PTPRC: variants seen among roughly 807,000 people sequenced by gnomAD.
PTPRC encodes the protein protein tyrosine phosphatase receptor type C, also known as receptor-type tyrosine-protein phosphatase C.
In PTPRC, 44 loss-of-function variants were observed where a neutral mutation model predicts 155.9. That is an observed-to-expected ratio of 0.28 (90% CI 0.22 to 0.36). PTPRC has a LOEUF of 0.36. Among genes scored for constraint, PTPRC ranks in the 10% least tolerant of loss-of-function variants. The pLI is 1.00. For missense variants in PTPRC, 1,401 were observed against 1,564.6 expected, an observed-to-expected ratio of 0.90 and a Z score of 1.76; for synonymous variants, 525 against 533.1, an observed-to-expected ratio of 0.98 and a Z score of 0.21.
intron 29 of PTPRC, among the ~76,000 whole-genome samples, chr1:198,751,025 T>C (rs1179690651): frequency 2.0e-5 from 3 of 151,958 alleles, no homozygotes; most frequent in African/African-American, 7.2e-5. Flanking sequence ...ATGTTTTCCA[T>C]CCTCTCCACT....
At chr1:198,681,784 A>C (rs757370391) in intron 2 of PTPRC, among the ~76,000 whole-genome samples, 1 of 152,250 alleles carries the variant, frequency 6.6e-6, no homozygotes, top group African/African-American at 2.4e-5. Context: ...TGCTTCTGAA[A>C]TAAATCACAT....
chr1:198,676,876 G>T (rs1664986160), intron 2 of PTPRC, among the ~76,000 whole-genome samples: 1 of 152,134 alleles, frequency 6.6e-6, no homozygotes, highest in African/African-American at 2.4e-5. Context: ...GATCATAGAA[G>T]ATTTATGTAG....
chr1:198,739,008 G>A (rs1654776625), intron 23 of PTPRC, among the ~76,000 whole-genome samples: 1 of 151,726 alleles, frequency 6.6e-6, no homozygotes, highest in Admixed American at 6.6e-5. Flanking sequence ...CACAATGTCT[G>A]TTGTCTTCAG....
chr1:198,668,145 A>G (rs1402432983), intron 2 of PTPRC, among the ~76,000 whole-genome samples: 1 of 152,220 alleles, frequency 6.6e-6, no homozygotes, highest in Non-Finnish European at 1.5e-5. Flanking sequence ...AGCCAGCCAT[A>G]TGGCTATCTG....
At position 198,646,162 on chromosome 1, in the gene PTPRC, A is replaced by ATT. The variant is rs1224226172; in HGVS notation, c.73+6822_73+6823dup. On this transcript the variant is annotated intron_variant, in intron 2 of 32. Transcript: ENST00000442510. Reference sequence around the variant, plus strand: ...ATTAGACCAATTTAATTCCCTGATGATTATATATATATTACCTAGTGAAAT... The same window carrying ATT: ...ATTAGACCAATTTAATTCCCTGATGATTTTATATATATATTACCTAGTGAAAT... Among the ~76,000 whole-genome samples, 8 of 151,950 alleles carry ATT rather than the reference A, an allele frequency of 5.3e-5. No individual in the cohort carries two copies. The East Asian group carries it at 1.6e-3, about 29-fold the overall frequency.
chr1:198,681,801 A>T (rs1241232014), intron 2 of PTPRC, among the ~76,000 whole-genome samples: 1 of 152,242 alleles, frequency 6.6e-6, no homozygotes, highest in Non-Finnish European at 1.5e-5. Context: ...ACATAATAAA[A>T]CTAACCTTAC....
intron 26 of PTPRC, 126 bp from the exon 27 acceptor site, chr1:198,747,983 C>T: frequency 7.1e-7 from 1 of 1,402,184 alleles, no homozygotes; most frequent in Non-Finnish European, 9.6e-7. Flanking sequence ...AAATTATGGC[C>T]TATAGGGAGC....
chr1:198,735,220 G>A lies in PTPRC; in HGVS notation c.2371G>A (p.Asp791Asn). The change falls in exon 23 of 33, where the codon GAT becomes AAT. Residue 791 changes from aspartate to asparagine, a missense_variant. Physicochemically the swap from Asp to Asn is conservative, Grantham distance 23. This residue lies in a region of PTPRC where 867 missense variants were observed against 970.4 expected (regional missense o/e 0.89). Coordinates refer to ENST00000442510, the MANE Select transcript of PTPRC (RefSeq NM_002838.5). ...VKINQHKRCP[D>N]YIIQKLNIVN... ...GATCAACCAGCACAAAAGATGTCCA[G>A]ATTACATCATTCAGAAATTGAACAT... 2 of 1,602,714 alleles carry A rather than the reference G, an allele frequency of 1.2e-6. No homozygotes were observed. Among genetic ancestry groups the A allele is most frequent in the Non-Finnish European group, 1.7e-6 (2 of 1,173,332 alleles).
chr1:198,668,552 A>G (rs1664453664), intron 2 of PTPRC, among the ~76,000 whole-genome samples: 1 of 152,228 alleles, frequency 6.6e-6, no homozygotes, highest in South Asian at 2.1e-4. Flanking sequence ...ACTATAAGGA[A>G]TTAACAGTAT....
chr1:198,745,888 GA>G (rs1244844730), intron 26 of PTPRC, among the ~76,000 whole-genome samples: 6 of 151,834 alleles, frequency 4.0e-5, no homozygotes, highest in Non-Finnish European at 8.8e-5. Context: ...TAGAATTACA[GA>G]TTGCTAGGTT....
intron 3 of PTPRC, among the ~76,000 whole-genome samples, chr1:198,695,447 A>T (rs1666157144): frequency 6.8e-6 from 1 of 147,102 alleles, no homozygotes. Flanking sequence ...AATTAAATAC[A>T]TCTTTATAAT....
intron 11 of PTPRC, among the ~76,000 whole-genome samples, chr1:198,710,820 A>G (rs1280604396): frequency 6.6e-6 from 1 of 152,184 alleles, no homozygotes; most frequent in Non-Finnish European, 1.5e-5. Flanking sequence ...ATATTGAGAA[A>G]TTTTTGACAA....
chr1:198,757,467 T>C lies in PTPRC; in HGVS notation c.*1286T>C, dbSNP rs1655741932. 1 of 151,726 alleles carries C rather than the reference T, an allele frequency of 6.6e-6. No homozygotes were observed. The highest frequency in any genetic ancestry group is 1.5e-5 in the Non-Finnish European group (1 of 67,786). The allele number at this position is 151,726 out of a possible 1,614,324, so 9.4% of individuals were successfully genotyped here. ...TTTTTCATGAAGTAATAAAAACTCG[T>C]TTTGGTGAATTCTGTAATAGCTTAT... On this transcript the variant is annotated 3_prime_UTR_variant, in exon 33 of 33. Coordinates refer to ENST00000442510, the MANE Select transcript of PTPRC (RefSeq NM_002838.5).
chr1:198,699,192 A>C (rs1044207334), intron 4 of PTPRC, among the ~76,000 whole-genome samples: 2 of 152,180 alleles, frequency 1.3e-5, no homozygotes, highest in African/African-American at 4.8e-5. Context: ...AATTTGTAAG[A>C]GATACTAGTA....
Position 198,686,407 on chromosome 1 carries a change from T to G in PTPRC, c.74-5940T>G, listed in dbSNP as rs920293703. Among the ~76,000 whole-genome samples, 16 of 152,206 alleles carry G rather than the reference T, an allele frequency of 1.1e-4. 1 individual carries two copies. The highest frequency in any genetic ancestry group is 1.5e-5 in the Non-Finnish European group (1 of 68,010). ...TTAAGTTTTAAAAAATGTAGAAAATTTCATCCCTAGAAGATAAAAGTCAAA... is the reference window on the plus strand; with the variant it reads ...TTAAGTTTTAAAAAATGTAGAAAATGTCATCCCTAGAAGATAAAAGTCAAA... On this transcript the variant is annotated intron_variant, in intron 2 of 32. Coordinates refer to ENST00000442510, the MANE Select transcript of PTPRC (RefSeq NM_002838.5).
intron 25 of PTPRC, among the ~76,000 whole-genome samples, 191 bp downstream of exon 25, chr1:198,742,558 C>T (rs2102517005): frequency 6.6e-6 from 1 of 151,894 alleles, no homozygotes; most frequent in East Asian, 2.0e-4. Context: ...CCTAAAAGTA[C>T]TGTGGAAGAA....
intron 2 of PTPRC, among the ~76,000 whole-genome samples, chr1:198,665,907 A>G (rs915451550): frequency 6.6e-6 from 1 of 152,136 alleles, no homozygotes; most frequent in African/African-American, 2.4e-5. Context: ...CGTATTGTTT[A>G]TATTATGTTA....
chr1:198,756,334 A>ATTT lies in PTPRC; in HGVS notation c.*154_*156dup. 9.7e-7 allele frequency: 1 copy of ATTT among 1,028,464 alleles called. No individual in the cohort carries two copies. The highest frequency in any genetic ancestry group is 2.6e-5 in the Admixed American group (1 of 39,166). 63.7% of individuals were successfully genotyped at this position (1,028,464 alleles called of 1,614,324 possible). A position where few individuals can be genotyped will look rare whatever the true frequency, so the allele number is the denominator to read the frequency against. ...TTATATTTTACTACTGTGGAAAAAT[A>ATTT]TTTAAGATAGTTTTGCCAGAACAGT... On this transcript the variant is annotated 3_prime_UTR_variant, in exon 33 of 33. Transcript: ENST00000442510.
At chr1:198,687,744 T>C (rs1275273249) in intron 2 of PTPRC, among the ~76,000 whole-genome samples, 1 of 152,198 alleles carries the variant, frequency 6.6e-6, no homozygotes, top group Non-Finnish European at 1.5e-5. Flanking sequence ...AAAATAGATT[T>C]ATGTAATCTA....
Sources: allele counts gnomAD v4.1 joint callset (sites outside exome capture counted in the v4.1 genomes callset), GRCh38; gene constraint gnomAD v4.1.1; regional missense constraint gnomAD v4.1.1; transcripts MANE v1.5; gene names NCBI Gene and HGNC (gene_info 2026-07-23, HGNC 2026-07-21).